CCDC141: variants seen among roughly 807,000 people sequenced by gnomAD.
The protein encoded by CCDC141 is coiled-coil domain-containing protein 141.
A neutral mutation model predicts 181.0 loss-of-function variants in CCDC141; 168 were observed. The observed-to-expected ratio is 0.93, with a 90% CI of 0.82 to 1.05. The LOEUF (loss-of-function observed/expected upper bound fraction) is 1.05, where lower values mean the gene tolerates loss of function less well. CCDC141 is among the 50% of genes least tolerant of loss of function. The pLI is 0.00. For synonymous variants in CCDC141, 666 were observed against 642.3 expected (o/e 1.04, Z -0.56); for missense variants, 1,902 against 1,788.5 (o/e 1.06, Z -1.14).
At chr2:178,981,925 A>G (rs1413004043) in intron 2 of CCDC141, among the ~76,000 whole-genome samples, 1 of 151,568 alleles carries the variant, frequency 6.6e-6, no homozygotes, top group Non-Finnish European at 1.5e-5. Context: ...GAAAGAGAAA[A>G]GAAACAAATT....
chr2:178,879,938 G>T lies in CCDC141; in HGVS notation c.1720-1795C>A, dbSNP rs990989347. Among the ~76,000 whole-genome samples the T allele has an allele frequency of 2.3e-4, 34 of 150,480 alleles. 1 individual carries two copies. Among genetic ancestry groups the T allele is most frequent in the Non-Finnish European group, 1.5e-5 (1 of 67,432 alleles). ...CAAGCTGAATGGTAATAGACAGAGG[G>T]ATATTCGTGCTGGGATAAAACTGGC... On this transcript the variant is annotated intron_variant, in intron 11 of 23. Coordinates refer to ENST00000443758, the MANE Select transcript of CCDC141 (RefSeq NM_173648.4).
At chr2:178,907,525 T>G (rs1194304368) in intron 7 of CCDC141, among the ~76,000 whole-genome samples, 1 of 152,258 alleles carries the variant, frequency 6.6e-6, no homozygotes, top group African/African-American at 2.4e-5. Context: ...CCTTTCCTTC[T>G]TATAGGTTAG....
chr2:178,907,933 A>C (rs1688047657), intron 7 of CCDC141, among the ~76,000 whole-genome samples: 1 of 151,988 alleles, frequency 6.6e-6, no homozygotes, highest in Admixed American at 6.6e-5. Flanking sequence ...CGGGAGGTGG[A>C]GGTTGCAGTG....
chr2:178,834,129 CT>C lies in CCDC141; in HGVS notation c.*43del, dbSNP rs2154365482. The stretch of plus-strand genomic sequence containing the variant: ...CAGGAAGATAAACGGCGGCACTTTT[CT>C]TTAGGCACATGAGAATGATGTCCAT... On this transcript the variant is annotated 3_prime_UTR_variant, in exon 24 of 24. Coordinates refer to ENST00000443758, the MANE Select transcript of CCDC141 (RefSeq NM_173648.4). 6.6e-7 allele frequency: 1 copy of C among 1,521,890 alleles called. No homozygotes were observed. Among genetic ancestry groups the C allele is most frequent in the African/African-American group, 1.4e-5 (1 of 72,760 alleles). The allele number at this position is 1,521,890 out of a possible 1,614,324, so 94.3% of individuals were successfully genotyped here. A position where few individuals can be genotyped will look rare whatever the true frequency, so the allele number is the denominator to read the frequency against.
intron 2 of CCDC141, among the ~76,000 whole-genome samples, chr2:179,004,862 G>T (rs528185597): frequency 2.0e-5 from 3 of 152,170 alleles, no homozygotes; most frequent in East Asian, 1.9e-4. Flanking sequence ...CCACCTAGTA[G>T]CTGGGATTAT....
chr2:178,977,605 C>A (rs1452921392), intron 3 of CCDC141, among the ~76,000 whole-genome samples: 1 of 152,158 alleles, frequency 6.6e-6, no homozygotes, highest in African/African-American at 2.4e-5. Flanking sequence ...GTTCATGATG[C>A]ATGAGATTGC....
intron 5 of CCDC141, among the ~76,000 whole-genome samples, chr2:178,949,607 G>A (rs1260028244): frequency 3.3e-5 from 5 of 152,182 alleles, no homozygotes; most frequent in Non-Finnish European, 1.5e-5. Context: ...GCAAAGCTAT[G>A]GTTATAGAAT....
At position 178,840,199 on chromosome 2, in the gene CCDC141, G is replaced by A. The variant is rs577986872; in HGVS notation, c.3475-2455C>T. ...TCTTTCTCTGTACCAGACACTCTCA[G>A]GTCTTCTTTTGCCTCAACTCTCTCT... On this transcript the variant is annotated intron_variant, in intron 22 of 23. Coordinates refer to ENST00000443758, the MANE Select transcript of CCDC141 (RefSeq NM_173648.4). Among the ~76,000 whole-genome samples the A allele has an allele frequency of 7.2e-5, 11 of 152,176 alleles. 1 individual carries two copies. The South Asian group carries it at 1.7e-3, about 23-fold the overall frequency.
chr2:178,821,273 T>G, the CCDC141 span, among the ~76,000 whole-genome samples: 2 of 152,150 alleles, frequency 1.3e-5, no homozygotes. Flanking sequence ...TATTTTTTCT[T>G]TATTGAATAA....
chr2:178,857,169 A>G (rs1685424097), intron 17 of CCDC141, among the ~76,000 whole-genome samples: 1 of 152,094 alleles, frequency 6.6e-6, no homozygotes, highest in African/African-American at 2.4e-5. Flanking sequence ...AGATCTCTCT[A>G]TCTTTTAATA....
chr2:179,015,095 T>C lies in CCDC141; in HGVS notation c.225+32189A>G, dbSNP rs867260500. ...ATATATATATATATATATATATATATATATATATAATATATATATAATCAT... is the reference window on the plus strand; with the variant it reads ...ATATATATATATATATATATATATACATATATATAATATATATATAATCAT... On this transcript the variant is annotated intron_variant, in intron 2 of 23. Transcript: ENST00000443758. Among the ~76,000 whole-genome samples the C allele has an allele frequency of 3.7e-3, 129 of 34,774 alleles. 1 individual carries two copies. Among genetic ancestry groups the C allele is most frequent in the Non-Finnish European group, 5.3e-3 (80 of 15,026 alleles). The allele number at this position is 34,774 out of a possible 152,430, so 22.8% of individuals were successfully genotyped here.
intron 4 of CCDC141, among the ~76,000 whole-genome samples, chr2:178,971,846 C>G (rs1210481441): frequency 2.6e-5 from 4 of 152,042 alleles, no homozygotes; most frequent in African/African-American, 7.2e-5. Context: ...AACACCACAT[C>G]TTCTCACTCA....
At chr2:178,963,439 G>T (rs2154379182) in intron 4 of CCDC141, among the ~76,000 whole-genome samples, 1 of 151,998 alleles carries the variant, frequency 6.6e-6, no homozygotes, top group Admixed American at 6.6e-5. Flanking sequence ...TTCAGGTTGG[G>T]GGAACTATGG....
In CCDC141 at chr2:178,888,682, G is replaced by A; in HGVS notation, c.1266-14C>T. On this transcript the variant is annotated splice_polypyrimidine_tract_variant and intron_variant, in intron 8 of 23. Coordinates refer to ENST00000443758, the MANE Select transcript of CCDC141 (RefSeq NM_173648.4). ...GACACCTGAGAGCTGAACAGAGCAAGCCAGCTGTTAATTCACTCCACCCCA... is the reference window on the plus strand; with the variant it reads ...GACACCTGAGAGCTGAACAGAGCAAACCAGCTGTTAATTCACTCCACCCCA... 1 of 1,550,288 alleles carries A rather than the reference G, an allele frequency of 6.5e-7. No homozygotes were observed. Among genetic ancestry groups the A allele is most frequent in the Non-Finnish European group, 8.7e-7 (1 of 1,146,596 alleles).
chr2:179,048,669 C>T (rs528475067), intron 1 of CCDC141, among the ~76,000 whole-genome samples: 5 of 152,258 alleles, frequency 3.3e-5, no homozygotes, highest in South Asian at 4.1e-4. Context: ...CCTACTTCTG[C>T]ATCAGGCTTC....
intron 7 of CCDC141, among the ~76,000 whole-genome samples, chr2:178,908,955 T>C (rs1688102824): frequency 6.6e-6 from 1 of 152,210 alleles, no homozygotes; most frequent in South Asian, 2.1e-4. Flanking sequence ...ATTGAGCCCA[T>C]CTTTAAAAAG....
intron 16 of CCDC141, among the ~76,000 whole-genome samples, chr2:178,866,929 T>C (rs1362818179): frequency 6.6e-6 from 1 of 152,210 alleles, no homozygotes; most frequent in Non-Finnish European, 1.5e-5. Context: ...TTTTGCCATG[T>C]TGGCCAGGCT....
At chr2:178,828,747 C>T (rs187828941), downstream of CCDC141, among the ~76,000 whole-genome samples, 58 of 152,264 alleles carry the variant, frequency 3.8e-4, no homozygotes, top group African/African-American at 1.2e-3. Context: ...TATTACAAAG[C>T]GAGGTGGCTG....
At chr2:178,923,350 C>T (rs1470379127) in intron 6 of CCDC141, among the ~76,000 whole-genome samples, 2 of 151,968 alleles carry the variant, frequency 1.3e-5, no homozygotes, top group East Asian at 1.9e-4. Flanking sequence ...GTGATCCGCC[C>T]GCCTCGGCCT....
Sources: gnomAD v4.1 joint callset for allele counts (sites outside exome capture counted in the v4.1 genomes callset) on GRCh38, gnomAD v4.1.1 for gene constraint, MANE v1.5 for transcripts, NCBI Gene and HGNC (gene_info 2026-07-23, HGNC 2026-07-21) for gene names.